The following UGT2B4 variants were observed in gnomAD, a reference collection of about 807,000 sequenced individuals.
UGT2B4 encodes UDP-glucuronosyltransferase 2B4.
In UGT2B4, 49 loss-of-function variants were observed where a neutral mutation model predicts 49.8. The ratio of observed to expected loss-of-function variants is 0.98; its 90% CI spans 0.78 to 1.25. The LOEUF (loss-of-function observed/expected upper bound fraction) is 1.25. UGT2B4 is among the 50% of genes most tolerant of loss of function. UGT2B4 has a pLI of 0.00. For synonymous variants in UGT2B4, 246 were observed against 217.7 expected (o/e 1.13, Z -1.14); for missense variants, 729 against 627.7 (o/e 1.16, Z -1.73).
At chr4:69,496,436 C>T (rs543906018), upstream of UGT2B4, among the ~76,000 whole-genome samples, 1 of 152,122 alleles carries the variant, frequency 6.6e-6, no homozygotes, top group African/African-American at 2.4e-5. Flanking sequence ...CAGTGAGAGG[C>T]TCATGTTCCT....
At chr4:69,520,630 G>A (rs950681688) in intron 1 of UGT2B4, among the ~76,000 whole-genome samples, 5 of 152,244 alleles carry the variant, frequency 3.3e-5, no homozygotes, top group Non-Finnish European at 5.9e-5. Flanking sequence ...ATTGTGATGT[G>A]GCTGGACATG....
chr4:69,491,089 T>G (rs1429650478), intron 2 of UGT2B4, among the ~76,000 whole-genome samples: 1 of 152,156 alleles, frequency 6.6e-6, no homozygotes, highest in South Asian at 2.1e-4. Flanking sequence ...AAACTACATA[T>G]GTTTTCATCA....
chr4:69,500,211 C>T (rs1289771775), upstream of UGT2B4, among the ~76,000 whole-genome samples: 1 of 152,054 alleles, frequency 6.6e-6, no homozygotes, highest in Non-Finnish European at 1.5e-5. Flanking sequence ...CACGTGGACA[C>T]ATGGAGGGGA....
chr4:69,505,729 C>A (rs1728449957), intron 1 of UGT2B4, among the ~76,000 whole-genome samples: 1 of 152,156 alleles, frequency 6.6e-6, no homozygotes, highest in Non-Finnish European at 1.5e-5. Flanking sequence ...TAGATATCTG[C>A]AGAACTCTCC....
chr4:69,493,620 A>G, intron 2 of UGT2B4, 73 bp downstream of exon 2: 5 of 1,502,342 alleles, frequency 3.3e-6, no homozygotes, highest in Non-Finnish European at 4.4e-6. Flanking sequence ...AGTGTAAGTC[A>G]AACACTTTGA....
In UGT2B4 at chr4:69,480,448, C is replaced by T. The variant is rs1369017850; in HGVS notation, c.*186G>A. The T allele has an allele frequency of 4.9e-6, 4 of 811,004 alleles. No homozygotes were observed. In the African/African-American group the frequency reaches 5.2e-5, roughly 11 times the overall value. The allele number at this position is 811,004 out of a possible 1,614,324, so 50.2% of individuals were successfully genotyped here. On this transcript the variant is annotated 3_prime_UTR_variant, in exon 6 of 6. Coordinates refer to ENST00000305107, the MANE Select transcript of UGT2B4 (RefSeq NM_021139.3). ...CATTTTTGTTTTCCCTAATGTTTTC[C>T]TCCTTGACATGAAATATTTCTAATG... is the stretch of plus-strand genomic sequence containing the variant.
chr4:69,508,625 T>C (rs1728531422), intron 1 of UGT2B4, among the ~76,000 whole-genome samples: 1 of 152,156 alleles, frequency 6.6e-6, no homozygotes, highest in Admixed American at 6.5e-5. Flanking sequence ...ATACTGCAGG[T>C]CCTTATCTGT....
chr4:69,499,376 G>A (rs1005804848), upstream of UGT2B4, among the ~76,000 whole-genome samples: 3 of 152,122 alleles, frequency 2.0e-5, no homozygotes, highest in East Asian at 1.9e-4. Context: ...TATCTGTCAC[G>A]TCCACTTGAT....
At chr4:69,521,825 A>G (rs1728857486) in intron 1 of UGT2B4, among the ~76,000 whole-genome samples, 1 of 152,194 alleles carries the variant, frequency 6.6e-6, no homozygotes, top group South Asian at 2.1e-4. Flanking sequence ...TAACATGATC[A>G]CCTTAAATTC....
chr4:69,511,040 T>C (rs935605337), intron 1 of UGT2B4, among the ~76,000 whole-genome samples: 54 of 144,558 alleles, frequency 3.7e-4, no homozygotes, highest in African/African-American at 1.4e-3. Context: ...CAGGCTGGAG[T>C]GCAGTGGCAC....
At chr4:69,524,291 AT>A (rs1306978168) in intron 1 of UGT2B4, among the ~76,000 whole-genome samples, 1 of 152,082 alleles carries the variant, frequency 6.6e-6, no homozygotes, top group African/African-American at 2.4e-5. Context: ...CCGACTTTTG[AT>A]TTAAAGTGAA....
At chr4:69,519,953 G>A (rs1034827253) in intron 1 of UGT2B4, among the ~76,000 whole-genome samples, 4 of 152,010 alleles carry the variant, frequency 2.6e-5, no homozygotes, top group African/African-American at 7.2e-5. Context: ...AAAAGTGTAA[G>A]GTCTACTAAA....
At chr4:69,510,169 G>A (rs1728571953) in intron 1 of UGT2B4, among the ~76,000 whole-genome samples, 1 of 152,032 alleles carries the variant, frequency 6.6e-6, no homozygotes, top group Non-Finnish European at 1.5e-5. Flanking sequence ...GTATATTTGT[G>A]GCTTTATTTT....
chr4:69,502,569 A>G (rs913714216), intron 1 of UGT2B4, among the ~76,000 whole-genome samples: 1 of 152,124 alleles, frequency 6.6e-6, no homozygotes, highest in East Asian at 1.9e-4. Context: ...CAGCAGCCCT[A>G]CAGAAAAGTG....
At chr4:69,509,829 T>C (rs1728562270) in intron 1 of UGT2B4, among the ~76,000 whole-genome samples, 1 of 152,144 alleles carries the variant, frequency 6.6e-6, no homozygotes. Context: ...GACTGTTTTC[T>C]TTGCTGTGTA....
At chr4:69,491,739 C>A (rs753849707) in intron 2 of UGT2B4, among the ~76,000 whole-genome samples, 1 of 152,176 alleles carries the variant, frequency 6.6e-6, no homozygotes, top group African/African-American at 2.4e-5. Flanking sequence ...CTCTTACTGG[C>A]ACTGTCAGTT....
chr4:69,519,994 A>AAATAAACAC (rs1728811888), intron 1 of UGT2B4, among the ~76,000 whole-genome samples: 1 of 152,232 alleles, frequency 6.6e-6, no homozygotes, highest in Non-Finnish European at 1.5e-5. Flanking sequence ...AGTATCTCAC[A>AAATAAACAC]AATAAACACA....
intron 4 of UGT2B4, among the ~76,000 whole-genome samples, chr4:69,486,230 C>A (rs1478491824): frequency 6.6e-6 from 1 of 152,146 alleles, no homozygotes; most frequent in Non-Finnish European, 1.5e-5. Context: ...ACAGAAAATG[C>A]AGCATCCCTG....
At chr4:69,507,329 G>T (rs531563252) in intron 1 of UGT2B4, among the ~76,000 whole-genome samples, 2 of 152,042 alleles carry the variant, frequency 1.3e-5, no homozygotes, top group African/African-American at 2.4e-5. Flanking sequence ...AAACTCCATC[G>T]TCTCGGGCCA....
Sources: allele counts gnomAD v4.1 joint callset (sites outside exome capture counted in the v4.1 genomes callset), GRCh38; gene constraint gnomAD v4.1.1; transcripts MANE v1.5; gene names NCBI Gene and HGNC (gene_info 2026-07-23, HGNC 2026-07-21).